Variants in LGMN observed in about 807,000 individuals in gnomAD.
LGMN encodes the protein asparaginyl endopeptidase.
A neutral mutation model predicts 56.8 loss-of-function variants in LGMN; 36 were observed. The ratio of observed to expected loss-of-function variants is 0.63; its 90% CI spans 0.49 to 0.84. The LOEUF is 0.84. Ranked by LOEUF, LGMN falls within the 40% of genes least tolerant of loss-of-function variation. The pLI is 0.00. For synonymous variants in LGMN, 199 were observed against 210.1 expected (o/e 0.95, Z 0.46); for missense variants, 446 against 556.1 (o/e 0.80, Z 1.99).
chr14:92,714,973 C>T lies in LGMN; in HGVS notation c.405-522G>A, dbSNP rs968494386. Among the ~76,000 whole-genome samples, 2 of 151,632 alleles carry T rather than the reference C, an allele frequency of 1.3e-5. No individual in the cohort carries two copies. Among genetic ancestry groups the T allele is most frequent in the Non-Finnish European group, 2.9e-5 (2 of 67,964 alleles). ...ATGAAGCCAATTTGGTTCACCCTCACAGATGTCCATCTCCATACTAATTTT... is the reference window on the plus strand; with the variant it reads ...ATGAAGCCAATTTGGTTCACCCTCATAGATGTCCATCTCCATACTAATTTT... On this transcript the variant is annotated intron_variant, in intron 5 of 13. Transcript: ENST00000334869. The surrounding 1 kb of genome is among the most constrained non-coding windows in gnomAD (Gnocchi z 5.1).
At chr14:92,705,494 CTG>C (rs1314985366) in intron 12 of LGMN, among the ~76,000 whole-genome samples, 3 of 143,520 alleles carry the variant, frequency 2.1e-5, no homozygotes, top group African/African-American at 7.7e-5. Flanking sequence ...AAGAGCAAAA[CTG>C]TGTCTAAAAC....
In LGMN at chr14:92,704,626, G is replaced by A. The variant is rs752048654; in HGVS notation, c.1259+14C>T. The A allele has an allele frequency of 1.4e-5, 22 of 1,603,094 alleles. No individual in the cohort carries two copies. The highest frequency in any genetic ancestry group is 1.7e-5 in the Non-Finnish European group (20 of 1,170,258). On this transcript the variant is annotated intron_variant, in intron 13 of 13. Transcript: ENST00000334869. The stretch of plus-strand genomic sequence containing the variant: ...TGACATCGACCTTTCAAGCGTCACC[G>A]CTGCATTAGTTACCTGTGAAGCGGA...
intron 1 of LGMN, among the ~76,000 whole-genome samples, chr14:92,738,772 G>A (rs576895831): frequency 6.6e-6 from 1 of 151,666 alleles, no homozygotes; most frequent in South Asian, 2.1e-4. Flanking sequence ...TGTAATCCCA[G>A]CACTTTGGGA....
chr14:92,711,445 C>T (rs1889764431), intron 10 of LGMN, among the ~76,000 whole-genome samples: 1 of 152,178 alleles, frequency 6.6e-6, no homozygotes, highest in Admixed American at 6.5e-5. Flanking sequence ...AATCACTTGC[C>T]CAAAGTCTCA....
intron 1 of LGMN, among the ~76,000 whole-genome samples, chr14:92,747,131 G>C (rs1337299410): frequency 6.6e-6 from 1 of 151,346 alleles, no homozygotes; most frequent in African/African-American, 2.4e-5. Flanking sequence ...CTCTTTCTCT[G>C]CCTTCATCAT....
intron 1 of LGMN, among the ~76,000 whole-genome samples, chr14:92,744,281 ATCTAAT>A (rs1398281394): frequency 7.9e-5 from 12 of 152,216 alleles, no homozygotes; most frequent in African/African-American, 2.9e-4. Context: ...CTTCACGGTT[ATCTAAT>A]TCTAATTTAT....
In LGMN at chr14:92,714,446, G is replaced by T. The variant is rs374624844; in HGVS notation, c.410C>A (p.Pro137His). The T allele has an allele frequency of 2.5e-6, 4 of 1,605,732 alleles. No homozygotes were observed. The African/African-American group carries it at 5.4e-5, about 22-fold the overall frequency. ...IGSGKVLKSGPQDHVFIYFTD... is the reference protein window; with the variant it reads ...IGSGKVLKSGHQDHVFIYFTD... ...GAAGTAAATGAACACGTGATCCTGGGGGCCACTGCCAAGAAGGAATCGGGG... is the reference window on the plus strand; with the variant it reads ...GAAGTAAATGAACACGTGATCCTGGTGGCCACTGCCAAGAAGGAATCGGGG... The change falls in exon 6 of 14, where the codon CCC becomes CAC. Residue 137 changes from proline (P) to histidine (H), a missense_variant. Pro to His is a moderately conservative substitution (Grantham distance 77). Transcript: ENST00000334869. This position sits in a 1 kb window ranked among gnomAD's most constrained non-coding sequence, Gnocchi z 5.1.
In LGMN at chr14:92,704,229, C is replaced by T. The variant is rs550978214; in HGVS notation, c.*90G>A. The T allele has an allele frequency of 3.7e-5, 57 of 1,557,984 alleles. No individual in the cohort carries two copies. In the East Asian group the frequency reaches 8.1e-4, roughly 22 times the overall value. ...GGGCTCCCCAGGAGGGCCCGAGCAG[C>T]GGAGACTTCTCACTCCACCTCTCCA... On this transcript the variant is annotated 3_prime_UTR_variant, in exon 14 of 14. Coordinates refer to ENST00000334869, the MANE Select transcript of LGMN (RefSeq NM_005606.7).
chr14:92,742,836 G>A (rs1891621221), intron 1 of LGMN: 1 of 152,068 alleles, frequency 6.6e-6, no homozygotes, highest in Non-Finnish European at 1.5e-5. Flanking sequence ...CTCAAACCCA[G>A]TAGTTCCAGA....
intron 11 of LGMN, among the ~76,000 whole-genome samples, chr14:92,708,673 T>C (rs905402329): frequency 2.6e-5 from 4 of 151,860 alleles, no homozygotes; most frequent in African/African-American, 9.7e-5. Context: ...CTGACCAACA[T>C]GGTGAAACCC....
At chr14:92,724,222 GTGT>G (rs1489228555) in intron 2 of LGMN, among the ~76,000 whole-genome samples, 1 of 152,236 alleles carries the variant, frequency 6.6e-6, no homozygotes, top group East Asian at 1.9e-4. Context: ...AGAGTGCCTT[GTGT>G]TGTTACTCCT....
At chr14:92,707,729 T>G (rs1889515603) in intron 11 of LGMN, among the ~76,000 whole-genome samples, 2 of 152,264 alleles carry the variant, frequency 1.3e-5, no homozygotes, top group Admixed American at 1.3e-4. Flanking sequence ...GTTTTAATTT[T>G]TTCATAATCT....
intron 2 of LGMN, among the ~76,000 whole-genome samples, chr14:92,719,375 A>ACACCAC (rs1890340063): frequency 3.8e-5 from 3 of 78,322 alleles, no homozygotes; most frequent in South Asian, 5.1e-4. Flanking sequence ...ACCACCACCA[A>ACACCAC]CACCGCCACC....
Position 92,704,717 on chromosome 14 carries a change from A to G in LGMN, c.1192-10T>C. 1 of 1,609,198 alleles carries G rather than the reference A, an allele frequency of 6.2e-7. No homozygotes were observed. The highest frequency in any genetic ancestry group is 1.1e-5 in the South Asian group (1 of 90,986). On this transcript the variant is annotated splice_polypyrimidine_tract_variant and intron_variant, in intron 12 of 13. Coordinates refer to ENST00000334869, the MANE Select transcript of LGMN (RefSeq NM_005606.7). ...TCAACGCATACTCGTACTGGGAGAAAACAAACGAGAAGAATGAAACTTCCT... is the reference window on the plus strand; with the variant it reads ...TCAACGCATACTCGTACTGGGAGAAGACAAACGAGAAGAATGAAACTTCCT...
chr14:92,709,723 A>C lies in LGMN; in HGVS notation c.969T>G (p.Asn323Lys). 1 of 1,613,954 alleles carries C rather than the reference A, an allele frequency of 6.2e-7. No homozygotes were observed. ...TGAGCTGCCTGGACTCCTCCAGATC[A>C]TTGGTGTTCATCAGTTTCCTTTTCA... ...TIMKRKLMNT[N>K]DLEESRQLTE... The change falls in exon 11 of 14, where the codon AAT (asparagine) becomes AAG (lysine). Residue 323 changes from asparagine (N) to lysine (K), a missense_variant. Asn to Lys is a moderately conservative substitution (Grantham distance 94). Transcript: ENST00000334869.
chr14:92,712,321 G>C (rs572211975), intron 8 of LGMN, among the ~76,000 whole-genome samples: 1 of 152,198 alleles, frequency 6.6e-6, no homozygotes, highest in Non-Finnish European at 1.5e-5. Flanking sequence ...GAAACATCTA[G>C]ATTAACTGAA....
chr14:92,712,041 G>C, intron 8 of LGMN, 86 bp from the exon 9 acceptor site: 2 of 1,043,864 alleles, frequency 1.9e-6, no homozygotes, highest in Admixed American at 1.8e-5. Context: ...TTTCTCCCCC[G>C]GTGAAATCGA....
chr14:92,736,339 T>C (rs1471873476), intron 1 of LGMN, among the ~76,000 whole-genome samples: 3 of 152,170 alleles, frequency 2.0e-5, no homozygotes, highest in South Asian at 4.1e-4. Flanking sequence ...CTCACACCTG[T>C]AATCCCAGTA....
At chr14:92,719,177 CCACCATCACCACCACCGCCACCAA>C (rs1286046720) in intron 2 of LGMN, among the ~76,000 whole-genome samples, 1 of 122,860 alleles carries the variant, frequency 8.1e-6, no homozygotes, top group Admixed American at 7.7e-5. Context: ...ACCACCACCA[CCACCATCACCACCACCGCCACCAA>C]CACCACCACC....
Sources: gnomAD v4.1 joint callset for allele counts (sites outside exome capture counted in the v4.1 genomes callset) on GRCh38, gnomAD v4.1.1 for gene constraint, Gnocchi (gnomAD v3.1) non-coding constraint, MANE v1.5 for transcripts, NCBI Gene and HGNC (gene_info 2026-07-23, HGNC 2026-07-21) for gene names.